The following LSAMP variants were observed in gnomAD, a reference collection of about 807,000 sequenced individuals.
LSAMP encodes limbic system associated membrane protein.
In LSAMP, 7 loss-of-function variants were observed where a neutral mutation model predicts 38.6. The ratio of observed to expected loss-of-function variants is 0.18; its 90% CI spans 0.10 to 0.34. LSAMP has a LOEUF of 0.34. LSAMP is among the 10% of genes least tolerant of loss of function. The probability of loss-of-function intolerance (pLI) is 1.00; values close to 1 mark genes in which losing one functional copy is unlikely to be tolerated. For synonymous variants in LSAMP, 154 were observed against 166.8 expected, an observed-to-expected ratio of 0.92 and a Z score of 0.59; for missense variants, 313 against 420.0, an observed-to-expected ratio of 0.75 and a Z score of 2.23.
At chr3:115,921,977 A>C (rs1368471529) in intron 3 of LSAMP, among the ~76,000 whole-genome samples, 4 of 152,090 alleles carry the variant, frequency 2.6e-5, no homozygotes, top group African/African-American at 7.2e-5. Flanking sequence ...CTCCTTTCAA[A>C]ATTTTATCTG....
At chr3:115,897,697 G>A (rs1477175842) in intron 3 of LSAMP, among the ~76,000 whole-genome samples, 1 of 152,132 alleles carries the variant, frequency 6.6e-6, no homozygotes, top group African/African-American at 2.4e-5. Flanking sequence ...AGAAGGGTGT[G>A]TGACAGTTTA....
intron 3 of LSAMP, among the ~76,000 whole-genome samples, chr3:115,970,578 A>G (rs1938984219): frequency 6.6e-6 from 1 of 152,172 alleles, no homozygotes; most frequent in South Asian, 2.1e-4. Flanking sequence ...TATCTTGGAC[A>G]TTTGTGCTAA....
intron 3 of LSAMP, among the ~76,000 whole-genome samples, chr3:116,008,712 A>G (rs771793556): frequency 1.1e-4 from 16 of 151,624 alleles, no homozygotes; most frequent in Non-Finnish European, 2.1e-4. Context: ...TTTTCATGGT[A>G]GAAATGCATT....
chr3:116,321,296 C>A (rs958978573), intron 1 of LSAMP, among the ~76,000 whole-genome samples: 31 of 151,920 alleles, frequency 2.0e-4, no homozygotes, highest in Admixed American at 3.9e-4. Context: ...TTGCTTTAGC[C>A]CAGGAAGTTG....
At chr3:115,922,895 T>C (rs1209880805) in intron 3 of LSAMP, among the ~76,000 whole-genome samples, 1 of 152,196 alleles carries the variant, frequency 6.6e-6, no homozygotes, top group African/African-American at 2.4e-5. Context: ...TCCCTGGTTT[T>C]ATAGCAGCAG....
chr3:116,089,213 A>C (rs1708062000), intron 1 of LSAMP, among the ~76,000 whole-genome samples: 1 of 152,238 alleles, frequency 6.6e-6, no homozygotes, highest in African/African-American at 2.4e-5. Context: ...GCATCTAATG[A>C]AACAATGTAT....
At chr3:116,427,137 G>A (rs1188869180) in intron 1 of LSAMP, among the ~76,000 whole-genome samples, 1 of 120,418 alleles carries the variant, frequency 8.3e-6, no homozygotes, top group Non-Finnish European at 1.6e-5. Flanking sequence ...TTTTTGAGAC[G>A]GAGTCTCGCT....
At chr3:116,183,115 G>T (rs1255072326) in intron 1 of LSAMP, among the ~76,000 whole-genome samples, 2 of 151,828 alleles carry the variant, frequency 1.3e-5, no homozygotes, top group East Asian at 1.9e-4. Context: ...TTGAAGCAGA[G>T]AATTATCCAT....
At chr3:115,940,411 T>A (rs1346599632) in intron 3 of LSAMP, among the ~76,000 whole-genome samples, 2 of 151,080 alleles carry the variant, frequency 1.3e-5, no homozygotes, top group African/African-American at 4.9e-5. Context: ...GAGTGCTAAT[T>A]GGTGCATTTA....
intron 2 of LSAMP, among the ~76,000 whole-genome samples, chr3:116,028,136 T>A (rs996211671): frequency 6.6e-6 from 1 of 152,188 alleles, no homozygotes; most frequent in Non-Finnish European, 1.5e-5. Context: ...ATCTACACAA[T>A]GTTTCTTGAG....
intron 3 of LSAMP, among the ~76,000 whole-genome samples, chr3:115,990,842 A>G (rs1285568888): frequency 6.6e-6 from 1 of 152,002 alleles, no homozygotes; most frequent in Admixed American, 6.6e-5. Context: ...TTGAATGTAG[A>G]TTCCTAGGGC....
At chr3:116,014,104 C>T (rs1364132101) in intron 3 of LSAMP, among the ~76,000 whole-genome samples, 1 of 152,112 alleles carries the variant, frequency 6.6e-6, no homozygotes, top group Non-Finnish European at 1.5e-5. Context: ...GATTGACTTA[C>T]AATTTTTTGA....
intron 1 of LSAMP, among the ~76,000 whole-genome samples, chr3:116,235,817 A>G (rs2107633024): frequency 6.6e-6 from 1 of 152,334 alleles, no homozygotes; most frequent in South Asian, 2.1e-4. Flanking sequence ...TTTGAAATAA[A>G]TAAAGAACTG....
chr3:116,011,662 T>A (rs1940329441), intron 3 of LSAMP, among the ~76,000 whole-genome samples: 1 of 152,144 alleles, frequency 6.6e-6, no homozygotes, highest in Non-Finnish European at 1.5e-5. Flanking sequence ...GAGGAAATAT[T>A]GGCTGAACTA....
chr3:116,273,564 A>G (rs1294446756), intron 1 of LSAMP, among the ~76,000 whole-genome samples: 1 of 151,028 alleles, frequency 6.6e-6, no homozygotes, highest in Non-Finnish European at 1.5e-5. Context: ...GGAGTAATCT[A>G]CTTTAGAATA....
At chr3:115,946,563 A>G (rs1412893563) in intron 3 of LSAMP, among the ~76,000 whole-genome samples, 4 of 152,194 alleles carry the variant, frequency 2.6e-5, no homozygotes, top group Admixed American at 1.3e-4. Flanking sequence ...TCCTTGAAAA[A>G]CAATTTACCA....
intron 6 of LSAMP, among the ~76,000 whole-genome samples, chr3:115,821,331 A>G (rs1382992860): frequency 6.6e-6 from 1 of 152,204 alleles, no homozygotes; most frequent in African/African-American, 2.4e-5. Context: ...TGAGGGTACA[A>G]CACATTCATA....
Position 115,841,932 on chromosome 3 carries a change from T to C in LSAMP, c.832A>G (p.Thr278Ala). 5 of 1,613,904 alleles carry C rather than the reference T, an allele frequency of 3.1e-6. No homozygotes were observed. Among genetic ancestry groups the C allele is most frequent in the Non-Finnish European group, 4.2e-6 (5 of 1,179,992 alleles). ...STEGQSSLTV[T>A]NVTEEHYGNY... ...CCGTAGTGCTCCTCAGTGACGTTGG[T>C]CACCGTCAGGGAAGACTGGCCCTCC... Residue 278 changes from threonine to alanine, a missense_variant, in exon 6 of 7, where the codon ACC (threonine) becomes GCC (alanine). Thr to Ala is a moderately conservative substitution (Grantham distance 58, BLOSUM62 0). Transcript: ENST00000490035.
At chr3:116,184,404 C>A (rs988074111) in intron 1 of LSAMP, among the ~76,000 whole-genome samples, 1 of 151,862 alleles carries the variant, frequency 6.6e-6, no homozygotes, top group Admixed American at 6.6e-5. Flanking sequence ...TTATATTACA[C>A]TGAATCTTGG....
Sources: gnomAD v4.1 joint callset for allele counts (sites outside exome capture counted in the v4.1 genomes callset) on GRCh38, gnomAD v4.1.1 for gene constraint, MANE v1.5 for transcripts, NCBI Gene and HGNC (gene_info 2026-07-23, HGNC 2026-07-21) for gene names.